The following RIC1 variants were observed in gnomAD, a reference collection of about 807,000 sequenced individuals.
The protein encoded by RIC1 is RIC1 partner of RAB6A GEF complex.
In RIC1, 88 loss-of-function variants were observed where a neutral mutation model predicts 169.0. The ratio of observed to expected loss-of-function variants is 0.52; its 90% CI spans 0.44 to 0.62. The LOEUF (loss-of-function observed/expected upper bound fraction) is 0.62. Among genes scored for constraint, RIC1 ranks in the 20% least tolerant of loss-of-function variants. RIC1 has a pLI of 0.00. For synonymous variants in RIC1, 790 were observed against 601.5 expected (o/e 1.31, Z -4.59); for missense variants, 1,877 against 1,725.5 (o/e 1.09, Z -1.56).
chr9:5,693,009 A>C (rs1821678625), intron 3 of RIC1, among the ~76,000 whole-genome samples: 1 of 152,100 alleles, frequency 6.6e-6, no homozygotes, highest in Non-Finnish European at 1.5e-5. Context: ...TGTAGCTCTA[A>C]AGTCTGTGCT....
intron 3 of RIC1, among the ~76,000 whole-genome samples, chr9:5,706,995 T>A (rs1203125536): frequency 6.6e-6 from 1 of 152,148 alleles, no homozygotes; most frequent in Non-Finnish European, 1.5e-5. Flanking sequence ...TAAAGTTAGG[T>A]TACTGATTTG....
chr9:5,767,913 T>C (rs2131126669), intron 21 of RIC1, among the ~76,000 whole-genome samples: 1 of 152,348 alleles, frequency 6.6e-6, no homozygotes, highest in East Asian at 1.9e-4. Context: ...AACAAGTGCT[T>C]ACTACATGCC....
Position 5,663,570 on chromosome 9 carries a change from G to A in RIC1, c.252+6880G>A, listed in dbSNP as rs111339521. 1.3e-3 allele frequency among the ~76,000 whole-genome samples: 204 copies of A among 151,748 alleles called. 1 individual carries two copies. Among genetic ancestry groups the A allele is most frequent in the African/African-American group, 4.7e-3 (195 of 41,458 alleles). ...TATTAAATTGAACCCTTTATGTAAC[G>A]CCCTTTGCCTTTTTTATCTTTTTTC... On this transcript the variant is annotated intron_variant, in intron 2 of 25. Coordinates refer to ENST00000414202, the MANE Select transcript of RIC1 (RefSeq NM_020829.4).
At chr9:5,717,145 A>G (rs1448218155) in intron 4 of RIC1, among the ~76,000 whole-genome samples, 1 of 152,146 alleles carries the variant, frequency 6.6e-6, no homozygotes, top group Non-Finnish European at 1.5e-5. Flanking sequence ...TCTTGACTCT[A>G]GGTTACATTT....
chr9:5,763,245 A>G lies in RIC1; in HGVS notation c.2218A>G (p.Ser740Gly), dbSNP rs752360694. 3 of 1,614,112 alleles carry G rather than the reference A, an allele frequency of 1.9e-6. No individual in the cohort carries two copies. Among genetic ancestry groups the G allele is most frequent in the Non-Finnish European group, 2.5e-6 (3 of 1,179,996 alleles). The change falls in exon 19 of 26, where the codon AGC becomes GGC. Residue 740 changes from serine to glycine, a missense_variant. Ser to Gly is a moderately conservative substitution (Grantham distance 56). Around this residue, in one of 3 missense-constraint regions of RIC1, gnomAD observed 1,104 missense variants for 992.0 expected, o/e 1.11. Coordinates refer to ENST00000414202, the MANE Select transcript of RIC1 (RefSeq NM_020829.4). This position sits in a 1 kb window ranked among gnomAD's most constrained non-coding sequence, Gnocchi z 5.2. ...KRHLLEALWL[S>G]CGGAGMKVWL... ...TCACCTTCTGGAGGCCCTCTGGCTG[A>G]GCTGTGGTGGTGCAGGGATGAAAGT...
chr9:5,654,833 A>G (rs1220788565), intron 1 of RIC1, among the ~76,000 whole-genome samples: 1 of 152,162 alleles, frequency 6.6e-6, no homozygotes, highest in Non-Finnish European at 1.5e-5. Context: ...GATTACAGGC[A>G]TGAGCTACTG....
intron 12 of RIC1, among the ~76,000 whole-genome samples, chr9:5,748,128 T>C (rs191391631): frequency 2.0e-5 from 3 of 152,222 alleles, no homozygotes; most frequent in Non-Finnish European, 4.4e-5. Flanking sequence ...TAAAATTATT[T>C]TGGGGAAACC....
chr9:5,704,160 G>T, intron 3 of RIC1, among the ~76,000 whole-genome samples: 1 of 150,770 alleles, frequency 6.6e-6, no homozygotes, highest in African/African-American at 2.4e-5. Flanking sequence ...TTTGCTCTTT[G>T]GCCATTTGTG....
intron 11 of RIC1, among the ~76,000 whole-genome samples, chr9:5,746,472 A>T (rs1041545880): frequency 3.3e-5 from 5 of 152,196 alleles, no homozygotes; most frequent in African/African-American, 1.2e-4. Flanking sequence ...AGTGTCAAAT[A>T]AAGGTAAAAC....
At chr9:5,698,630 A>C (rs1411106835) in intron 3 of RIC1, among the ~76,000 whole-genome samples, 1 of 152,174 alleles carries the variant, frequency 6.6e-6, no homozygotes, top group African/African-American at 2.4e-5. Context: ...ATGTGGAAAA[A>C]AATATGGCAG....
At chr9:5,721,600 C>A (rs185392492) in intron 6 of RIC1, among the ~76,000 whole-genome samples, 11 of 152,314 alleles carry the variant, frequency 7.2e-5, no homozygotes, top group African/African-American at 2.4e-4. Context: ...TCTGGATCAC[C>A]AGTTTCATCT....
At chr9:5,686,890 G>C (rs953730361) in intron 2 of RIC1, among the ~76,000 whole-genome samples, 2 of 152,220 alleles carry the variant, frequency 1.3e-5, no homozygotes, top group African/African-American at 2.4e-5. Flanking sequence ...CCTTCTCTTT[G>C]GTGTTCTGGA....
intron 2 of RIC1, among the ~76,000 whole-genome samples, chr9:5,686,284 C>G (rs1821216499): frequency 6.6e-6 from 1 of 151,920 alleles, no homozygotes; most frequent in Non-Finnish European, 1.5e-5. Context: ...TGGGTATATA[C>G]CCAAATGACT....
At chr9:5,652,937 T>C (rs1281115333) in intron 1 of RIC1, among the ~76,000 whole-genome samples, 1 of 152,194 alleles carries the variant, frequency 6.6e-6, no homozygotes, top group Non-Finnish European at 1.5e-5. Context: ...GTCAAATGCT[T>C]TTTCTGCCTC....
chr9:5,640,317 T>C (rs1818177648), intron 1 of RIC1, among the ~76,000 whole-genome samples: 1 of 152,150 alleles, frequency 6.6e-6, no homozygotes, highest in Admixed American at 6.5e-5. Context: ...TTAACACTGA[T>C]TGTATAAGCA....
chr9:5,741,000 T>G (rs1825053713), intron 8 of RIC1, among the ~76,000 whole-genome samples: 1 of 152,160 alleles, frequency 6.6e-6, no homozygotes, highest in Non-Finnish European at 1.5e-5. Context: ...CTCCCATACA[T>G]CCCTTGGAAT....
At chr9:5,739,746 A>G (rs1460719002) in intron 8 of RIC1, among the ~76,000 whole-genome samples, 2 of 152,074 alleles carry the variant, frequency 1.3e-5, no homozygotes, top group Admixed American at 1.3e-4. Flanking sequence ...ACTATTGGGG[A>G]TGGGGAAAGC....
intron 1 of RIC1, among the ~76,000 whole-genome samples, chr9:5,634,764 A>G (rs569878006): frequency 6.6e-5 from 10 of 152,020 alleles, no homozygotes; most frequent in Admixed American, 2.6e-4. Flanking sequence ...TGTGCTTTCC[A>G]TGTCATCCAA....
At chr9:5,745,314 C>G (rs1423126330) in intron 10 of RIC1, among the ~76,000 whole-genome samples, 3 of 152,148 alleles carry the variant, frequency 2.0e-5, no homozygotes, top group African/African-American at 4.8e-5. Flanking sequence ...AATCACTAAT[C>G]TTTAAAAATA....
Sources: allele counts gnomAD v4.1 joint callset (sites outside exome capture counted in the v4.1 genomes callset), GRCh38; gene constraint gnomAD v4.1.1; regional missense constraint gnomAD v4.1.1; non-coding constraint Gnocchi (gnomAD v3.1); transcripts MANE v1.5; gene names NCBI Gene and HGNC (gene_info 2026-07-23, HGNC 2026-07-21).